Variants in GALNTL6 observed in about 807,000 individuals in gnomAD.
GALNTL6 encodes the protein polypeptide N-acetylgalactosaminyltransferase like 6.
In GALNTL6, 46 loss-of-function variants were observed where a neutral mutation model predicts 73.7. The ratio of observed to expected loss-of-function variants is 0.62; its 90% CI spans 0.49 to 0.80. The LOEUF (loss-of-function observed/expected upper bound fraction) is 0.80. Among genes scored for constraint, GALNTL6 ranks in the 30% least tolerant of loss-of-function variants. The pLI, the probability that GALNTL6 is intolerant of heterozygous loss-of-function variation, is 0.00. For synonymous variants in GALNTL6, 259 were observed against 263.7 expected, an observed-to-expected ratio of 0.98 and a Z score of 0.17; for missense variants, 604 against 755.0, an observed-to-expected ratio of 0.80 and a Z score of 2.34.
intron 2 of GALNTL6, among the ~76,000 whole-genome samples, chr4:171,866,807 TGG>T (rs1735982817): frequency 6.6e-6 from 1 of 152,172 alleles, no homozygotes; most frequent in African/African-American, 2.4e-5. Context: ...TTTTTCATAA[TGG>T]CATTAATCCC....
intron 5 of GALNTL6, among the ~76,000 whole-genome samples, chr4:172,623,236 A>G (rs1220438877): frequency 1.3e-5 from 2 of 152,186 alleles, no homozygotes; most frequent in Non-Finnish European, 2.9e-5. Flanking sequence ...AATCAACTAA[A>G]AAAGTTAAAA....
chr4:172,142,098 T>A (rs932514577), intron 2 of GALNTL6, among the ~76,000 whole-genome samples: 1 of 152,074 alleles, frequency 6.6e-6, no homozygotes, highest in African/African-American at 2.4e-5. Context: ...TGGTCTCTGG[T>A]ACACCGTTAT....
At chr4:171,988,999 G>A (rs568269802) in intron 2 of GALNTL6, among the ~76,000 whole-genome samples, 255 of 151,996 alleles carry the variant, frequency 1.7e-3, no homozygotes, top group East Asian at 2.7e-3. Context: ...AAAGTGTCTC[G>A]GCCTAATAAG....
At chr4:171,887,182 T>G (rs986474471) in intron 2 of GALNTL6, among the ~76,000 whole-genome samples, 9 of 152,150 alleles carry the variant, frequency 5.9e-5, no homozygotes, top group African/African-American at 2.2e-4. Context: ...TTTATAACAT[T>G]AATCCCTTTG....
chr4:172,606,616 A>G (rs1341928808), intron 5 of GALNTL6, among the ~76,000 whole-genome samples: 1 of 38,432 alleles, frequency 2.6e-5, no homozygotes, highest in African/African-American at 5.5e-5. Flanking sequence ...ATATACATAT[A>G]TAGTATATAT....
intron 5 of GALNTL6, among the ~76,000 whole-genome samples, chr4:172,723,333 T>A (rs1366409888): frequency 1.3e-5 from 2 of 152,140 alleles, no homozygotes; most frequent in Non-Finnish European, 2.9e-5. Flanking sequence ...AGGACCTCTA[T>A]TGTCAGACCT....
intron 7 of GALNTL6, among the ~76,000 whole-genome samples, chr4:172,853,759 GC>G (rs904258746): frequency 6.6e-6 from 1 of 152,110 alleles, no homozygotes; most frequent in African/African-American, 2.4e-5. Context: ...GAGAATACCT[GC>G]CAGATTTATA....
chr4:172,257,848 T>C (rs1444206431), intron 3 of GALNTL6, among the ~76,000 whole-genome samples: 1 of 151,378 alleles, frequency 6.6e-6, no homozygotes, highest in Non-Finnish European at 1.5e-5. Flanking sequence ...TATCTGATCA[T>C]TTAGTAATAT....
intron 2 of GALNTL6, among the ~76,000 whole-genome samples, chr4:172,140,656 T>G (rs1402049767): frequency 6.6e-6 from 1 of 152,048 alleles, no homozygotes; most frequent in Non-Finnish European, 1.5e-5. Flanking sequence ...TGTTCTCAAC[T>G]GTTATGTTAG....
intron 7 of GALNTL6, among the ~76,000 whole-genome samples, chr4:172,864,512 A>G (rs1261336929): frequency 6.6e-6 from 1 of 152,228 alleles, no homozygotes; most frequent in South Asian, 2.1e-4. Context: ...AGAAGGTGGC[A>G]TAAGAATTTT....
chr4:172,320,207 T>A (rs1335846630), intron 4 of GALNTL6, among the ~76,000 whole-genome samples: 1 of 152,062 alleles, frequency 6.6e-6, no homozygotes, highest in African/African-American at 2.4e-5. Context: ...TTCAGGCCCT[T>A]ATTGTACTTT....
intron 5 of GALNTL6, among the ~76,000 whole-genome samples, chr4:172,713,561 C>G (rs1190981321): frequency 6.6e-6 from 1 of 152,126 alleles, no homozygotes; most frequent in Non-Finnish European, 1.5e-5. Flanking sequence ...AGCACCATCG[C>G]AGGGTACTGT....
At chr4:172,103,270 T>G (rs556024989) in intron 2 of GALNTL6, among the ~76,000 whole-genome samples, 1 of 152,252 alleles carries the variant, frequency 6.6e-6, no homozygotes, top group South Asian at 2.1e-4. Flanking sequence ...GCCAGAATTT[T>G]TAGGAAGTAG....
At chr4:172,306,208 G>A (rs1185152495) in intron 3 of GALNTL6, among the ~76,000 whole-genome samples, 1 of 152,114 alleles carries the variant, frequency 6.6e-6, no homozygotes, top group Non-Finnish European at 1.5e-5. Context: ...GGCTAACATG[G>A]TGAAACCCTG....
chr4:172,176,835 A>G (rs563127024), intron 2 of GALNTL6, among the ~76,000 whole-genome samples: 4 of 152,046 alleles, frequency 2.6e-5, no homozygotes, highest in South Asian at 2.1e-4. Context: ...TTGTTATGAA[A>G]CCTAGTTAGA....
At chr4:172,385,133 G>T (rs532116892) in intron 5 of GALNTL6, among the ~76,000 whole-genome samples, 2 of 145,050 alleles carry the variant, frequency 1.4e-5, no homozygotes, top group East Asian at 2.1e-4. Flanking sequence ...TTTTAATTTT[G>T]TTTCAAGAAG....
chr4:172,393,097 T>G (rs1176025408), intron 5 of GALNTL6, among the ~76,000 whole-genome samples: 1 of 152,088 alleles, frequency 6.6e-6, no homozygotes, highest in African/African-American at 2.4e-5. Flanking sequence ...GTGGAACAGT[T>G]TCATCCCCAA....
chr4:172,235,280 T>C (rs1232777657), intron 3 of GALNTL6, among the ~76,000 whole-genome samples: 1 of 151,930 alleles, frequency 6.6e-6, no homozygotes, highest in African/African-American at 2.4e-5. Context: ...TGATCTCGGC[T>C]CACTGCAACC....
chr4:172,850,135 A>G (rs1409706462), intron 7 of GALNTL6, among the ~76,000 whole-genome samples: 1 of 152,198 alleles, frequency 6.6e-6, no homozygotes, highest in Non-Finnish European at 1.5e-5. Flanking sequence ...TACAGGACAG[A>G]GCACTGGACA....
Sources: allele counts gnomAD v4.1 joint callset (sites outside exome capture counted in the v4.1 genomes callset), GRCh38; gene constraint gnomAD v4.1.1; transcripts MANE v1.5; gene names NCBI Gene and HGNC (gene_info 2026-07-23, HGNC 2026-07-21).